Variants in GAD2 observed in about 807,000 individuals in gnomAD.
GAD2 encodes 65 kDa glutamic acid decarboxylase.
GAD2 carries 22 observed loss-of-function variants against 80.1 expected under a neutral mutation model. That is an observed-to-expected ratio of 0.27 (90% CI 0.20 to 0.39). The LOEUF is 0.39. Ranked by LOEUF, GAD2 falls within the 10% of genes least tolerant of loss-of-function variation. The probability of loss-of-function intolerance (pLI) is 1.00; values close to 1 mark genes in which losing one functional copy is unlikely to be tolerated. For synonymous variants in GAD2, 274 were observed against 256.9 expected, an observed-to-expected ratio of 1.07 and a Z score of -0.64; for missense variants, 624 against 738.4, an observed-to-expected ratio of 0.85 and a Z score of 1.80.
intron 7 of GAD2, among the ~76,000 whole-genome samples, chr10:26,231,825 T>C (rs1044513266): frequency 3.3e-5 from 5 of 152,192 alleles, no homozygotes; most frequent in Non-Finnish European, 7.3e-5. Flanking sequence ...ACCAGCAGCA[T>C]AGCATCTTTG....
At chr10:26,276,631 G>A (rs138320357) in intron 11 of GAD2, among the ~76,000 whole-genome samples, 3,255 of 151,990 alleles carry the variant, frequency 0.021, 107 homozygotes, top group African/African-American at 0.074. Flanking sequence ...CAAGTGATCC[G>A]CTCGCCTCGG....
In GAD2 at chr10:26,236,754, C is replaced by A. The variant is rs79156593; in HGVS notation, c.840+6977C>A. On this transcript the variant is annotated intron_variant, in intron 7 of 15. Coordinates refer to ENST00000376261, the MANE Select transcript of GAD2 (RefSeq NM_001134366.2). ...ACTTCCACAAAATGTATTGCTCCCC[C>A]CTTAGTCGGAACTGACAGTGAGTGA... Among the ~76,000 whole-genome samples, 326 of 152,300 alleles carry A rather than the reference C, an allele frequency of 2.1e-3. 1 individual carries two copies. Among genetic ancestry groups the A allele is most frequent in the African/African-American group, 7.4e-3 (309 of 41,556 alleles).
In GAD2 at chr10:26,245,908, A is replaced by T. The variant is rs554153876; in HGVS notation, c.841-13A>T. 1.1e-4 allele frequency: 172 copies of T among 1,572,110 alleles called. No homozygotes were observed. Among genetic ancestry groups the T allele is most frequent in the Admixed American group, 3.7e-4 (22 of 58,926 alleles). ...TATGGAACTAATTGCAAATATATAT[A>T]TTTTTTTTACAGAGTCATTTTTCTC... is the stretch of plus-strand genomic sequence containing the variant. On this transcript the variant is annotated splice_polypyrimidine_tract_variant and intron_variant, in intron 7 of 15. Transcript: ENST00000376261.
At chr10:26,271,845 C>T (rs192065139) in intron 10 of GAD2, among the ~76,000 whole-genome samples, 12 of 152,086 alleles carry the variant, frequency 7.9e-5, no homozygotes, top group South Asian at 2.1e-4. Flanking sequence ...CCGCAACCTC[C>T]GCCTCCAGGG....
chr10:26,226,035 G>A (rs973158414), intron 6 of GAD2, among the ~76,000 whole-genome samples: 1 of 152,122 alleles, frequency 6.6e-6, no homozygotes, highest in Non-Finnish European at 1.5e-5. Context: ...GTTGGTTATA[G>A]GATTGATCTG....
chr10:26,270,838 T>C (rs1845128727), intron 10 of GAD2, 82 bp downstream of exon 10: 4 of 927,506 alleles, frequency 4.3e-6, no homozygotes, highest in Non-Finnish European at 3.5e-6. Flanking sequence ...TTGTTTTCTC[T>C]TTTTTTAACT....
chr10:26,216,925 C>G lies in GAD2; in HGVS notation c.76+40C>G. 2 of 1,567,004 alleles carry G rather than the reference C, an allele frequency of 1.3e-6. No homozygotes were observed. Among genetic ancestry groups the G allele is most frequent in the East Asian group, 4.6e-5 (2 of 43,768 alleles). ...GGGGGCCTGCGGCGGGCGAGTTTTG[C>G]GGTGGTCTGGGGTTTGCGGAACTAC... On this transcript the variant is annotated intron_variant, in intron 1 of 15. Transcript: ENST00000376261. This position sits in a 1 kb window ranked among gnomAD's most constrained non-coding sequence, Gnocchi z 4.7.
In GAD2 at chr10:26,301,342, G is replaced by A. The variant is rs1834327780; in HGVS notation, c.*381G>A. 1 of 154,324 alleles carries A rather than the reference G, an allele frequency of 6.5e-6. No individual in the cohort carries two copies. Among genetic ancestry groups the A allele is most frequent in the Non-Finnish European group, 1.4e-5 (1 of 69,626 alleles). The allele number at this position is 154,324 out of a possible 1,614,324, so 9.6% of individuals were successfully genotyped here. A position where few individuals can be genotyped will look rare whatever the true frequency, so the allele number is the denominator to read the frequency against. On this transcript the variant is annotated 3_prime_UTR_variant, in exon 16 of 16. Transcript: ENST00000376261. Reference sequence around the variant, plus strand: ...TTTGGGGTGCAGTAAAAAGGACAAAGTAAATATAAAATATATGTTGACAAT... The same window carrying A: ...TTTGGGGTGCAGTAAAAAGGACAAAATAAATATAAAATATATGTTGACAAT...
chr10:26,219,965 A>G (rs748308090), intron 4 of GAD2, among the ~76,000 whole-genome samples: 7 of 152,122 alleles, frequency 4.6e-5, no homozygotes, highest in Non-Finnish European at 8.8e-5. Flanking sequence ...CTTAGGGGGA[A>G]ATTTTTTTAA....
chr10:26,291,731 A>G (rs758843547), intron 13 of GAD2, among the ~76,000 whole-genome samples: 3 of 152,186 alleles, frequency 2.0e-5, no homozygotes, highest in Non-Finnish European at 4.4e-5. Flanking sequence ...AGCCATTTTG[A>G]AAAGTAACTC....
At chr10:26,219,305 C>T (rs771988240) in intron 4 of GAD2, 29 bp downstream of exon 4, 1 of 1,329,186 alleles carries the variant, frequency 7.5e-7, no homozygotes, top group Non-Finnish European at 1.0e-6. Flanking sequence ...TAATAAAGCT[C>T]TTTTTTCGTT....
chr10:26,250,147 G>C (rs2132291155), intron 8 of GAD2, among the ~76,000 whole-genome samples: 1 of 152,098 alleles, frequency 6.6e-6, no homozygotes, highest in East Asian at 1.9e-4. Flanking sequence ...CTTAGTAGAT[G>C]GGACTACAGG....
intron 12 of GAD2, among the ~76,000 whole-genome samples, chr10:26,281,416 T>A (rs1268753894): frequency 6.6e-6 from 1 of 152,204 alleles, no homozygotes; most frequent in African/African-American, 2.4e-5. Flanking sequence ...ATTTCCAGGT[T>A]TTTTTTCTGG....
chr10:26,252,678 G>A (rs898358393), intron 8 of GAD2, among the ~76,000 whole-genome samples: 44 of 149,384 alleles, frequency 2.9e-4, no homozygotes, highest in African/African-American at 1.1e-3. Flanking sequence ...TTTTTGAGAC[G>A]GAATCTTGCT....
chr10:26,279,268 T>G (rs1845246351), intron 11 of GAD2, among the ~76,000 whole-genome samples: 1 of 151,990 alleles, frequency 6.6e-6, no homozygotes, highest in Non-Finnish European at 1.5e-5. Flanking sequence ...ACTGAAAGAA[T>G]CTGGGGCCTT....
At chr10:26,293,302 C>T (rs1301441862) in intron 15 of GAD2, among the ~76,000 whole-genome samples, 4 of 151,094 alleles carry the variant, frequency 2.6e-5, no homozygotes, top group African/African-American at 7.3e-5. Context: ...CTCAGCCTCC[C>T]GAGTAGCTGG....
chr10:26,223,767 C>A, intron 4 of GAD2, 120 bp from the exon 5 acceptor site: 1 of 615,592 alleles, frequency 1.6e-6, no homozygotes, highest in Non-Finnish European at 2.9e-6. Context: ...TGGATTTCTA[C>A]TTATGGATTT....
intron 15 of GAD2, among the ~76,000 whole-genome samples, chr10:26,293,193 T>TTTTTTTTTTTTTTTTTC (rs869296197): frequency 7.3e-6 from 1 of 137,314 alleles, no homozygotes; most frequent in Non-Finnish European, 1.5e-5. Flanking sequence ...TTTTTTTTTT[T>TTTTTTTTTTTTTTTTTC]TTGAGATGGA....
chr10:26,273,547 A>G, intron 10 of GAD2, 89 bp from the exon 11 acceptor site: 1 of 1,108,726 alleles, frequency 9.0e-7, no homozygotes, highest in Non-Finnish European at 1.4e-6. Context: ...GCCTGGGGTC[A>G]AGATCATTTT....
Sources: gnomAD v4.1 joint callset for allele counts (sites outside exome capture counted in the v4.1 genomes callset) on GRCh38, gnomAD v4.1.1 for gene constraint, Gnocchi (gnomAD v3.1) non-coding constraint, MANE v1.5 for transcripts, NCBI Gene and HGNC (gene_info 2026-07-23, HGNC 2026-07-21) for gene names.